TRPS1: variants seen among roughly 807,000 people sequenced by gnomAD.
TRPS1 encodes zinc finger transcription factor Trps1.
TRPS1 carries 6 observed loss-of-function variants against 101.2 expected under a neutral mutation model. The ratio of observed to expected loss-of-function variants is 0.06; its 90% CI spans 0.03 to 0.12. The LOEUF (loss-of-function observed/expected upper bound fraction) is 0.12. Among genes scored for constraint, TRPS1 ranks in the 10% least tolerant of loss-of-function variants. The probability of loss-of-function intolerance (pLI) is 1.00; values close to 1 mark genes in which losing one functional copy is unlikely to be tolerated. For missense variants in TRPS1, 1,363 were observed against 1,567.0 expected (o/e 0.87, Z 2.20); for synonymous variants, 578 against 589.8 (o/e 0.98, Z 0.29).
At chr8:115,582,743 G>A (rs1234624150) in intron 5 of TRPS1, among the ~76,000 whole-genome samples, 1 of 152,150 alleles carries the variant, frequency 6.6e-6, no homozygotes, top group African/African-American at 2.4e-5. Context: ...CTCCGCTGAA[G>A]CCAAGTAGCA....
intron 1 of TRPS1, among the ~76,000 whole-genome samples, chr8:115,659,599 A>G (rs1486608231): frequency 6.6e-6 from 1 of 152,050 alleles, no homozygotes; most frequent in East Asian, 1.9e-4. Flanking sequence ...ACTTGGCATC[A>G]AAAAGCAAAG....
Position 115,418,932 on chromosome 8 carries a change from C to G in TRPS1, c.2701-480G>C, listed in dbSNP as rs1045709451. Among the ~76,000 whole-genome samples the G allele has an allele frequency of 2.0e-5, 3 of 152,096 alleles. No homozygotes were observed. The highest frequency in any genetic ancestry group is 4.4e-5 in the Non-Finnish European group (3 of 68,024). The stretch of plus-strand genomic sequence containing the variant: ...GTGTTTTTGTATGTCATTCATGTAA[C>G]GTAAGTATTACGAGAATATAAGACA... On this transcript the variant is annotated intron_variant, in intron 5 of 6. Transcript: ENST00000395715. This position sits in a 1 kb window ranked among gnomAD's most constrained non-coding sequence, Gnocchi z 4.3.
At chr8:115,567,994 A>G (rs1260455293) in intron 5 of TRPS1, among the ~76,000 whole-genome samples, 1 of 152,120 alleles carries the variant, frequency 6.6e-6, no homozygotes, top group Non-Finnish European at 1.5e-5. Context: ...GGGGCAACTT[A>G]CTTAACTTTT....
At chr8:115,530,020 G>A (rs1816092508) in intron 5 of TRPS1, among the ~76,000 whole-genome samples, 1 of 152,054 alleles carries the variant, frequency 6.6e-6, no homozygotes, top group South Asian at 2.1e-4. Flanking sequence ...CAAAAGCTGA[G>A]CCTGAATATC....
At chr8:115,448,683 C>A (rs1813796689) in intron 5 of TRPS1, among the ~76,000 whole-genome samples, 1 of 152,148 alleles carries the variant, frequency 6.6e-6, no homozygotes, top group Admixed American at 6.5e-5. Flanking sequence ...CAAGTATGTT[C>A]TATAGGAACT....
At chr8:115,495,943 G>T (rs762802117) in intron 5 of TRPS1, among the ~76,000 whole-genome samples, 3 of 152,114 alleles carry the variant, frequency 2.0e-5, no homozygotes, top group Non-Finnish European at 2.9e-5. Context: ...GAGTCCCTTA[G>T]TCTTCTTCCT....
chr8:115,486,844 T>C (rs1430994793), intron 5 of TRPS1, among the ~76,000 whole-genome samples: 1 of 152,176 alleles, frequency 6.6e-6, no homozygotes, highest in Non-Finnish European at 1.5e-5. Flanking sequence ...TATAAAAGTA[T>C]AAGGTTAAGA....
At chr8:115,464,772 C>T (rs750643116) in intron 5 of TRPS1, among the ~76,000 whole-genome samples, 3 of 152,076 alleles carry the variant, frequency 2.0e-5, no homozygotes, top group Non-Finnish European at 2.9e-5. Flanking sequence ...CTAACCGATA[C>T]ATCATTTGTG....
chr8:115,471,543 G>A (rs773189949), intron 5 of TRPS1, among the ~76,000 whole-genome samples: 6 of 152,026 alleles, frequency 3.9e-5, no homozygotes, highest in Non-Finnish European at 5.9e-5. Context: ...ATTCTGCCCT[G>A]ACCCCTCCCA....
At chr8:115,643,696 T>C (rs1333965431) in intron 1 of TRPS1, among the ~76,000 whole-genome samples, 1 of 152,244 alleles carries the variant, frequency 6.6e-6, no homozygotes, top group African/African-American at 2.4e-5. Flanking sequence ...GTTGATGTTT[T>C]GACATCCTCC....
intron 1 of TRPS1, among the ~76,000 whole-genome samples, chr8:115,633,971 A>G (rs547437543): frequency 1.3e-5 from 2 of 152,164 alleles, no homozygotes; most frequent in Non-Finnish European, 2.9e-5. Context: ...GGCTTCTAGT[A>G]TCAAATGGCT....
At chr8:115,567,012 C>T (rs1021623293) in intron 5 of TRPS1, among the ~76,000 whole-genome samples, 3 of 152,080 alleles carry the variant, frequency 2.0e-5, no homozygotes, top group Non-Finnish European at 4.4e-5. Context: ...CCTAAATAAA[C>T]CCACGCATCT....
At chr8:115,557,813 T>C (rs1363463909) in intron 5 of TRPS1, among the ~76,000 whole-genome samples, 1 of 152,176 alleles carries the variant, frequency 6.6e-6, no homozygotes, top group Non-Finnish European at 1.5e-5. Flanking sequence ...TCAAATGCTG[T>C]TACAATTTCC....
At chr8:115,578,132 C>T (rs2130419396) in intron 5 of TRPS1, among the ~76,000 whole-genome samples, 1 of 152,266 alleles carries the variant, frequency 6.6e-6, no homozygotes, top group Admixed American at 6.5e-5. Flanking sequence ...TACTATTTAC[C>T]TTGTATCGGA....
intron 5 of TRPS1, among the ~76,000 whole-genome samples, chr8:115,558,682 A>G (rs562450731): frequency 6.6e-6 from 1 of 152,194 alleles, no homozygotes; most frequent in Non-Finnish European, 1.5e-5. Flanking sequence ...GGTTCTGTAC[A>G]ATTAAGATTT....
intron 4 of TRPS1, among the ~76,000 whole-genome samples, chr8:115,600,905 C>T (rs1488820668): frequency 2.6e-5 from 4 of 151,844 alleles, no homozygotes; most frequent in Admixed American, 1.3e-4. Flanking sequence ...AATATAATAA[C>T]CCAGTTATAG....
At chr8:115,630,353 A>G (rs2130559681) in intron 1 of TRPS1, among the ~76,000 whole-genome samples, 1 of 152,050 alleles carries the variant, frequency 6.6e-6, no homozygotes, top group Non-Finnish European at 1.5e-5. Context: ...TTAAGAATCT[A>G]TCTAAACATA....
intron 5 of TRPS1, among the ~76,000 whole-genome samples, chr8:115,441,974 G>A (rs1237588567): frequency 1.3e-5 from 2 of 150,504 alleles, no homozygotes; most frequent in East Asian, 2.0e-4. Flanking sequence ...ACAAGTTTTT[G>A]ATGTTATTCC....
intron 1 of TRPS1, among the ~76,000 whole-genome samples, chr8:115,633,494 A>G (rs2130567668): frequency 6.6e-6 from 1 of 152,268 alleles, no homozygotes; most frequent in South Asian, 2.1e-4. Context: ...GAAGAGAACT[A>G]ATATTTCTTG....
Sources: gnomAD v4.1 joint callset for allele counts (sites outside exome capture counted in the v4.1 genomes callset) on GRCh38, gnomAD v4.1.1 for gene constraint, Gnocchi (gnomAD v3.1) non-coding constraint, MANE v1.5 for transcripts, NCBI Gene and HGNC (gene_info 2026-07-23, HGNC 2026-07-21) for gene names.